Variants in DSG4 observed in about 807,000 individuals in gnomAD.
The protein encoded by DSG4 is desmoglein-4.
A neutral mutation model predicts 93.1 loss-of-function variants in DSG4; 87 were observed. That is an observed-to-expected ratio of 0.93 (90% CI 0.79 to 1.12). The LOEUF is 1.12. Ranked by LOEUF, DSG4 falls within the 50% of genes most tolerant of loss-of-function variation. The pLI, the probability that DSG4 is intolerant of heterozygous loss-of-function variation, is 0.00. For missense variants in DSG4, 1,373 were observed against 1,285.7 expected, an observed-to-expected ratio of 1.07 and a Z score of -1.04; for synonymous variants, 432 against 452.9, an observed-to-expected ratio of 0.95 and a Z score of 0.59.
chr18:31,385,012 C>A, intron 1 of DSG4, 124 bp from the exon 2 acceptor site: 1 of 876,466 alleles, frequency 1.1e-6, no homozygotes, highest in Non-Finnish European at 1.9e-6. Context: ...ATGTTTATTT[C>A]ACATCATCAA....
Position 31,376,908 on chromosome 18 carries a change from A to C in DSG4, c.-4A>C, listed in dbSNP as rs764517967. On this transcript the variant is annotated 5_prime_UTR_variant, in exon 1 of 16. Transcript: ENST00000308128. The stretch of plus-strand genomic sequence containing the variant: ...GGATTTGCGTGCAAGAGAAACCCAA[A>C]GGAATGGATTGGCTCTTCTTCAGAA... The C allele has an allele frequency of 1.9e-6, 3 of 1,613,684 alleles. No homozygotes were observed. The South Asian group carries it at 3.3e-5, about 18-fold the overall frequency.
chr18:31,402,400 A>G (rs2072377552), intron 10 of DSG4, among the ~76,000 whole-genome samples: 1 of 152,212 alleles, frequency 6.6e-6, no homozygotes, highest in African/African-American at 2.4e-5. Flanking sequence ...AAATAAAACA[A>G]TCTGTGGAAT....
intron 11 of DSG4, 55 bp from the exon 12 acceptor site, chr18:31,406,022 C>G (rs576262011): frequency 8.7e-6 from 14 of 1,607,690 alleles, no homozygotes; most frequent in Admixed American, 5.0e-5. Flanking sequence ...TTAACCACCC[C>G]CCTAGCCCAC....
chr18:31,409,517 T>C lies in DSG4; in HGVS notation c.1999T>C (p.Phe667Leu). ...QRQPEGLGTR[F>L]APVPEGGEGV... ...ACAGCCAGAAGGCCTGGGAACAAGA[T>C]TTGCTCCTGTGCCTGAGGGCGGAGA... Residue 667 changes from phenylalanine (F) to leucine (L), a missense_variant, in exon 13 of 16, where the codon TTT (phenylalanine) becomes CTT (leucine). Transcript: ENST00000308128. The C allele has an allele frequency of 1.2e-6, 2 of 1,614,044 alleles. No homozygotes were observed. Among genetic ancestry groups the C allele is most frequent in the Non-Finnish European group, 1.7e-6 (2 of 1,180,014 alleles).
chr18:31,413,759 C>T lies in DSG4; in HGVS notation c.*164C>T. 1.1e-6 allele frequency: 1 copy of T among 927,416 alleles called. No individual in the cohort carries two copies. The highest frequency in any genetic ancestry group is 1.6e-6 in the Non-Finnish European group (1 of 627,562). 57.4% of individuals were successfully genotyped at this position (927,416 alleles called of 1,614,324 possible). On this transcript the variant is annotated 3_prime_UTR_variant, in exon 16 of 16. Coordinates refer to ENST00000308128, the MANE Select transcript of DSG4 (RefSeq NM_177986.5). ...TATACCATTTTGAGGGTGAATATGG[C>T]TAGGCACTTTAGATAAGCCTTTTTA...
chr18:31,409,669 C>A, intron 13 of DSG4, 76 bp from the exon 14 acceptor site: 1 of 1,613,606 alleles, frequency 6.2e-7, no homozygotes, highest in Non-Finnish European at 8.5e-7. Flanking sequence ...ACATGCTGCA[C>A]AAAAATGAAC....
intron 2 of DSG4, 61 bp from the exon 3 acceptor site, chr18:31,386,627 A>G: frequency 6.2e-7 from 1 of 1,604,346 alleles, no homozygotes; most frequent in Admixed American, 1.7e-5. Flanking sequence ...TATTAAATAA[A>G]TGTCCTTTCT....
At chr18:31,399,118 A>C (rs955698229) in intron 8 of DSG4, among the ~76,000 whole-genome samples, 154 bp from the exon 9 acceptor site, 1 of 152,200 alleles carries the variant, frequency 6.6e-6, no homozygotes, top group Admixed American at 6.5e-5. Context: ...AAGATACCTA[A>C]TGCAGTAATA....
chr18:31,378,324 G>A (rs146841974), intron 1 of DSG4, among the ~76,000 whole-genome samples: 1 of 152,288 alleles, frequency 6.6e-6, no homozygotes, highest in East Asian at 1.9e-4. Flanking sequence ...AGTAAGTTAT[G>A]AGGATATACC....
intron 1 of DSG4, among the ~76,000 whole-genome samples, chr18:31,380,851 CTATT>C (rs2144158062): frequency 6.6e-6 from 1 of 152,250 alleles, no homozygotes. Context: ...AGAATAATAT[CTATT>C]CCAGTATTGC....
intron 8 of DSG4, among the ~76,000 whole-genome samples, chr18:31,398,821 A>G (rs2144194054): frequency 6.6e-6 from 1 of 152,294 alleles, no homozygotes; most frequent in East Asian, 1.9e-4. Flanking sequence ...GACATCATAT[A>G]TATTAGCACC....
Position 31,411,445 on chromosome 18 carries a change from G to T in DSG4, c.2352G>T (p.Ser784=). Residue 784 remains serine, a synonymous_variant, in exon 15 of 16, where the codon TCG becomes TCT. Transcript: ENST00000308128. ...INMAFLDSYF[S]EKAYAYADED... ...TGGCTTTCTTGGACAGCTACTTCTC[G>T]GAGGTAATGCCCTCACAGTCACACA... 1 of 1,612,158 alleles carries T rather than the reference G, an allele frequency of 6.2e-7. No individual in the cohort carries two copies. Among genetic ancestry groups the T allele is most frequent in the African/African-American group, 1.4e-5 (1 of 73,950 alleles).
intron 2 of DSG4, 86 bp downstream of exon 2, chr18:31,385,257 T>C (rs1378316143): frequency 1.0e-6 from 1 of 978,634 alleles, no homozygotes; most frequent in African/African-American, 1.7e-5. Flanking sequence ...AATCAGAATA[T>C]TTGAAATTGT....
At chr18:31,410,983 G>A (rs2072481247) in intron 14 of DSG4, 3 of 1,112,102 alleles carry the variant, frequency 2.7e-6, no homozygotes, top group African/African-American at 1.6e-5. Flanking sequence ...TTTAAGTCTA[G>A]GGCGAAGTCT....
chr18:31,392,256 T>A lies in DSG4; in HGVS notation c.921T>A (p.Tyr307Ter). ...GCACTGATAACTGGTTGGCTCAATA[T>A]TTAATTCTCTCTGGAAATGATGGGA... Reference protein sequence around the residue: ...EEGTDNWLAQYLILSGNDGNW... With the variant: ...EEGTDNWLAQ Residue 307 changes from tyrosine to a stop codon, truncating the protein, a stop_gained, in exon 8 of 16, where the codon TAT (tyrosine) becomes TAA (stop). Coordinates refer to ENST00000308128, the MANE Select transcript of DSG4 (RefSeq NM_177986.5). LOFTEE classifies it high-confidence loss of function. The A allele has an allele frequency of 6.2e-7, 1 of 1,613,806 alleles. No individual in the cohort carries two copies. The highest frequency in any genetic ancestry group is 8.5e-7 in the Non-Finnish European group (1 of 1,179,842).
chr18:31,414,614 T>A lies in DSG4; in HGVS notation c.*1019T>A, dbSNP rs2072536494. ...ATAGAGCTTCTATTCATTTCTAGAC[T>A]TAAAATAAAACTCTGGGATATGGCT... On this transcript the variant is annotated 3_prime_UTR_variant, in exon 16 of 16. Transcript: ENST00000308128. 6.6e-6 allele frequency: 1 copy of A among 152,212 alleles called. No individual in the cohort carries two copies. Among genetic ancestry groups the A allele is most frequent in the African/African-American group, 2.4e-5 (1 of 41,464 alleles). The allele number at this position is 152,212 out of a possible 1,614,324, so 9.4% of individuals were successfully genotyped here.
At chr18:31,396,614 G>A (rs1323314163) in intron 8 of DSG4, among the ~76,000 whole-genome samples, 1 of 151,874 alleles carries the variant, frequency 6.6e-6, no homozygotes, top group Non-Finnish European at 1.5e-5. Flanking sequence ...CCTCAGCTTC[G>A]CACAGTGCTG....
intron 2 of DSG4, among the ~76,000 whole-genome samples, 156 bp downstream of exon 2, chr18:31,385,327 C>G (rs962732099): frequency 6.6e-6 from 1 of 152,134 alleles, no homozygotes; most frequent in Non-Finnish European, 1.5e-5. Context: ...ATGGTAAAAT[C>G]CATGCTCCCA....
At position 31,406,324 on chromosome 18, in the gene DSG4, T is replaced by C. The variant is rs750288737; in HGVS notation, c.1884T>C (p.Leu628=). The stretch of plus-strand genomic sequence containing the variant: ...AAGCTGGAGTTTCAAATGTTGGTCT[T>C]GGACCAGCAGGGATTGGCATGATGG... The part of the protein sequence containing the change: ...EDQAGVSNVG[L]GPAGIGMMVL... Residue 628 remains leucine, a synonymous_variant, in exon 12 of 16, where the codon CTT becomes CTC. Coordinates refer to ENST00000308128, the MANE Select transcript of DSG4 (RefSeq NM_177986.5). 2.5e-6 allele frequency: 4 copies of C among 1,614,122 alleles called. No homozygotes were observed. The highest frequency in any genetic ancestry group is 8.5e-7 in the Non-Finnish European group (1 of 1,180,046).
Sources: gnomAD v4.1 joint callset for allele counts (sites outside exome capture counted in the v4.1 genomes callset) on GRCh38, gnomAD v4.1.1 for gene constraint, MANE v1.5 for transcripts, NCBI Gene and HGNC (gene_info 2026-07-23, HGNC 2026-07-21) for gene names.